MARCHF1: variants seen among roughly 807,000 people sequenced by gnomAD.
The protein encoded by MARCHF1 is E3 ubiquitin-protein ligase MARCHF1.
Under a neutral mutation model 54.2 loss-of-function variants are expected in MARCHF1, and 40 were observed. That is an observed-to-expected ratio of 0.74 (90% confidence interval 0.57 to 0.96). The LOEUF (loss-of-function observed/expected upper bound fraction) is 0.96. MARCHF1 is among the 40% of genes least tolerant of loss of function. The pLI, the probability that MARCHF1 is intolerant of heterozygous loss-of-function variation, is 0.00. For missense variants in MARCHF1, 586 were observed against 656.5 expected (o/e 0.89, Z 1.17); for synonymous variants, 236 against 236.3 (o/e 1.00, Z 0.01).
At chr4:163,892,657 G>A (rs1162201287) in intron 3 of MARCHF1, among the ~76,000 whole-genome samples, 2 of 151,010 alleles carry the variant, frequency 1.3e-5, no homozygotes, top group African/African-American at 4.9e-5. Context: ...ATAATGTTAG[G>A]TGGTTTTATT....
At chr4:163,835,509 T>C (rs980290443) in intron 4 of MARCHF1, among the ~76,000 whole-genome samples, 2 of 152,312 alleles carry the variant, frequency 1.3e-5, no homozygotes, top group Non-Finnish European at 2.9e-5. Context: ...TAGCCAATAT[T>C]TCGAATTGTG....
At chr4:164,143,925 C>A (rs1423393275) in intron 1 of MARCHF1, among the ~76,000 whole-genome samples, 3 of 152,120 alleles carry the variant, frequency 2.0e-5, no homozygotes, top group African/African-American at 7.2e-5. Context: ...ATTCATGAAA[C>A]CCATCTCACG....
chr4:164,083,858 A>G (rs1216147406), intron 2 of MARCHF1, among the ~76,000 whole-genome samples: 1 of 152,114 alleles, frequency 6.6e-6, no homozygotes, highest in African/African-American at 2.4e-5. Context: ...GCATGAAAAC[A>G]GAGGTAAAAA....
intron 4 of MARCHF1, among the ~76,000 whole-genome samples, chr4:163,701,949 G>C (rs1744822465): frequency 1.3e-5 from 2 of 152,214 alleles, no homozygotes; most frequent in African/African-American, 4.8e-5. Flanking sequence ...AACCCGTGGG[G>C]CTGAAATTGC....
chr4:164,211,295 T>C (rs1731762685), intron 1 of MARCHF1, among the ~76,000 whole-genome samples: 1 of 133,062 alleles, frequency 7.5e-6, no homozygotes, highest in Admixed American at 7.7e-5. Flanking sequence ...TATATATATA[T>C]ACCACATTGC....
At chr4:164,017,439 A>G (rs1231900726) in intron 2 of MARCHF1, among the ~76,000 whole-genome samples, 1 of 152,042 alleles carries the variant, frequency 6.6e-6, no homozygotes, top group African/African-American at 2.4e-5. Context: ...CCTCACAGAA[A>G]GAAATTACAA....
At position 163,755,399 on chromosome 4, in the gene MARCHF1, C is replaced by A. The variant is rs139604792; in HGVS notation, c.112-54536G>T. On this transcript the variant is annotated intron_variant, in intron 4 of 9. Transcript: ENST00000514618. ...TGGAGATTTCTCATAGCAGGTAAAG[C>A]CTACTCTGCCAGCCTACCTAAAATA... Among the ~76,000 whole-genome samples the A allele has an allele frequency of 2.0e-5, 3 of 152,258 alleles. No homozygotes were observed. The East Asian group carries it at 5.8e-4, about 29-fold the overall frequency.
chr4:164,007,645 TC>T (rs1486326419), intron 2 of MARCHF1, among the ~76,000 whole-genome samples: 1 of 93,436 alleles, frequency 1.1e-5, no homozygotes, highest in African/African-American at 4.9e-5. Flanking sequence ...TCTCTCTCTC[TC>T]TGTGTGTGTG....
intron 5 of MARCHF1, among the ~76,000 whole-genome samples, chr4:163,621,642 T>TAG (rs1741699307): frequency 6.6e-6 from 1 of 152,100 alleles, no homozygotes; most frequent in African/African-American, 2.4e-5. Flanking sequence ...CTACAATCTA[T>TAG]AGAGAAAGGA....
chr4:163,649,726 A>G (rs537548402), intron 5 of MARCHF1, among the ~76,000 whole-genome samples: 4 of 147,412 alleles, frequency 2.7e-5, no homozygotes, highest in African/African-American at 1.0e-4. Flanking sequence ...ACCACCTTCC[A>G]TGATACCCTG....
In MARCHF1 at chr4:163,545,628, G is replaced by C. The variant is rs1250065471; in HGVS notation, c.1307C>G (p.Thr436Arg). 6.2e-7 allele frequency: 1 copy of C among 1,613,742 alleles called. No individual in the cohort carries two copies. The highest frequency in any genetic ancestry group is 1.3e-5 in the African/African-American group (1 of 74,914). Reference protein sequence around the residue: ...VWSLYVLIDRTAEEIKQGNDN... With the variant: ...VWSLYVLIDRRAEEIKQGNDN... ...ATTGCCTTGCTTGATTTCCTCCGCTGTCCGGTCTATCAATACATACAAAGA... is the reference window on the plus strand; with the variant it reads ...ATTGCCTTGCTTGATTTCCTCCGCTCTCCGGTCTATCAATACATACAAAGA... Residue 436 changes from threonine to arginine, a missense_variant, in exon 9 of 10, where the codon ACA (threonine) becomes AGA (arginine). By Grantham distance (71) the Thr-to-Arg change is moderately conservative (BLOSUM62 -1). This residue lies in a region of MARCHF1 where 93 missense variants were observed against 168.2 expected (regional missense o/e 0.55). Coordinates refer to ENST00000514618, the MANE Select transcript of MARCHF1 (RefSeq NM_001394959.1).
At chr4:164,381,779 C>G (rs1326585139) in intron 1 of MARCHF1, among the ~76,000 whole-genome samples, 1 of 152,152 alleles carries the variant, frequency 6.6e-6, no homozygotes, top group Non-Finnish European at 1.5e-5. Context: ...AAGTAGTCAA[C>G]ATGAGCAACA....
At chr4:163,562,445 A>G (rs1159705865) in intron 8 of MARCHF1, among the ~76,000 whole-genome samples, 1 of 152,144 alleles carries the variant, frequency 6.6e-6, no homozygotes, top group Non-Finnish European at 1.5e-5. Flanking sequence ...CGTGTTTTTT[A>G]TATTTTGATT....
At chr4:164,112,319 T>C (rs1326878429) in intron 1 of MARCHF1, among the ~76,000 whole-genome samples, 3 of 151,906 alleles carry the variant, frequency 2.0e-5, no homozygotes, top group Non-Finnish European at 2.9e-5. Context: ...ATAGAAGACA[T>C]ACATGGCTAC....
chr4:163,704,578 T>C (rs1744898155), intron 4 of MARCHF1, among the ~76,000 whole-genome samples: 1 of 151,488 alleles, frequency 6.6e-6, no homozygotes, highest in Non-Finnish European at 1.5e-5. Flanking sequence ...CAATTAGAAA[T>C]CCAATTTTGA....
chr4:164,261,663 G>A (rs1733470394), intron 1 of MARCHF1, among the ~76,000 whole-genome samples: 1 of 152,048 alleles, frequency 6.6e-6, no homozygotes, highest in African/African-American at 2.4e-5. Context: ...TTTCCCATCA[G>A]CTCTTCAAAG....
chr4:164,177,009 T>TATATATATACACAC (rs1553989397), intron 1 of MARCHF1, among the ~76,000 whole-genome samples: 1 of 55,576 alleles, frequency 1.8e-5, no homozygotes, highest in Admixed American at 2.0e-4. Flanking sequence ...TATATATATA[T>TATATATATACACAC]ACAAATGATA....
At chr4:164,298,941 G>A (rs1264769463) in intron 1 of MARCHF1, among the ~76,000 whole-genome samples, 1 of 151,896 alleles carries the variant, frequency 6.6e-6, no homozygotes, top group Non-Finnish European at 1.5e-5. Flanking sequence ...TATTTTTCAG[G>A]ACAACAAAAG....
chr4:163,974,878 G>C (rs1752618083), intron 3 of MARCHF1, among the ~76,000 whole-genome samples: 1 of 152,180 alleles, frequency 6.6e-6, no homozygotes, highest in African/African-American at 2.4e-5. Flanking sequence ...GGTAAACTGA[G>C]TAAAGCAAAT....
Sources: allele counts gnomAD v4.1 joint callset (sites outside exome capture counted in the v4.1 genomes callset), GRCh38; gene constraint gnomAD v4.1.1; regional missense constraint gnomAD v4.1.1; transcripts MANE v1.5; gene names NCBI Gene and HGNC (gene_info 2026-07-23, HGNC 2026-07-21).